The following TMEM273 variants were observed in gnomAD, a reference collection of about 807,000 sequenced individuals.
TMEM273 encodes the protein chromosome 10 open reading frame 128.
In TMEM273, 19 loss-of-function variants were observed where a neutral mutation model predicts 17.9. The ratio of observed to expected loss-of-function variants is 1.06; its 90% confidence interval spans 0.74 to 1.55. The LOEUF is 1.55. Among genes scored for constraint, TMEM273 ranks in the 40% most tolerant of loss-of-function variants. The pLI, the probability that TMEM273 is intolerant of heterozygous loss-of-function variation, is 0.00. For missense variants in TMEM273, 194 were observed against 155.6 expected (o/e 1.25, Z -1.31); for synonymous variants, 66 against 62.0 (o/e 1.07, Z -0.31).
chr10:49,184,140 A>G (rs1847523078), intron 1 of TMEM273, among the ~76,000 whole-genome samples: 1 of 152,258 alleles, frequency 6.6e-6, no homozygotes, highest in African/African-American at 2.4e-5. Context: ...GATGTCCCAT[A>G]CAGAAAACAT....
At chr10:49,183,353 T>TTGTGTGTGTG (rs3079989) in intron 1 of TMEM273, among the ~76,000 whole-genome samples, 28 of 148,844 alleles carry the variant, frequency 1.9e-4, no homozygotes, top group East Asian at 7.9e-4. Flanking sequence ...AGGAAACAAA[T>TTGTGTGTGTG]TGTGTGTGTG....
At chr10:49,172,047 A>G (rs1270027614) in intron 1 of TMEM273, among the ~76,000 whole-genome samples, 1 of 152,220 alleles carries the variant, frequency 6.6e-6, no homozygotes, top group African/African-American at 2.4e-5. Flanking sequence ...GGCTGCCCTA[A>G]GTGTTTGTCA....
chr10:49,179,276 G>T (rs1847191463), intron 1 of TMEM273, among the ~76,000 whole-genome samples: 1 of 152,262 alleles, frequency 6.6e-6, no homozygotes, highest in Non-Finnish European at 1.5e-5. Flanking sequence ...GAAAAGGTCT[G>T]CTGAGTATGT....
rs1712858992 is a variant in TMEM273, at chr10:49,161,612, T to G, written c.359A>C (p.Gln120Pro). 6.2e-7 allele frequency: 1 copy of G among 1,614,100 alleles called. No homozygotes were observed. Among genetic ancestry groups the G allele is most frequent in the Admixed American group, 1.7e-5 (1 of 60,014 alleles). The change falls in exon 6 of 7, where the codon CAA becomes CCA. Residue 120 changes from glutamine (Q) to proline (P), a missense_variant. Physicochemically the swap from Gln to Pro is moderately conservative, Grantham distance 76 (BLOSUM62 -1). Transcript: ENST00000374153. ...IMEGLFKAKP[Q>P]FLQKRCTGD is the part of the protein sequence containing the mutation. ...CTTACAACTCACCTTTTGGAGAAAT[T>G]GTGGTTTCGCCTGCAAAACAAGATA... is the stretch of plus-strand genomic sequence containing the variant.
At chr10:49,185,043 C>A (rs1310882846) in intron 1 of TMEM273, among the ~76,000 whole-genome samples, 1 of 152,080 alleles carries the variant, frequency 6.6e-6, no homozygotes, top group East Asian at 1.9e-4. Context: ...GCACAGCCAA[C>A]CCTGGGGTGC....
intron 6 of TMEM273, among the ~76,000 whole-genome samples, chr10:49,159,832 A>G (rs1034005816): frequency 6.6e-6 from 1 of 152,222 alleles, no homozygotes; most frequent in East Asian, 1.9e-4. Flanking sequence ...TTGTGTTGTC[A>G]GAAGTCTAGC....
intron 1 of TMEM273, among the ~76,000 whole-genome samples, chr10:49,183,479 T>C (rs1443971748): frequency 6.6e-6 from 1 of 152,182 alleles, no homozygotes; most frequent in Non-Finnish European, 1.5e-5. Context: ...ATTTTTATTC[T>C]TATACTTTTC....
chr10:49,168,114 C>A (rs757811198), intron 1 of TMEM273, 152 bp from the exon 2 acceptor site: 4 of 892,244 alleles, frequency 4.5e-6, no homozygotes, highest in Non-Finnish European at 6.9e-6. Context: ...TGGAGCCTTG[C>A]TGAGACATCA....
At chr10:49,183,353 T>TTTTG (rs1554849166) in intron 1 of TMEM273, among the ~76,000 whole-genome samples, 1 of 148,742 alleles carries the variant, frequency 6.7e-6, no homozygotes, top group African/African-American at 2.5e-5. Context: ...AGGAAACAAA[T>TTTTG]TGTGTGTGTG....
At chr10:49,184,181 T>A (rs1273808366) in intron 1 of TMEM273, among the ~76,000 whole-genome samples, 2 of 152,120 alleles carry the variant, frequency 1.3e-5, no homozygotes, top group African/African-American at 2.4e-5. Flanking sequence ...AGGCCGTAAA[T>A]AAAAATAAAT....
At chr10:49,156,305 A>G in intron 6 of TMEM273, 1 of 1,305,434 alleles carries the variant, frequency 7.7e-7, no homozygotes, top group Non-Finnish European at 1.0e-6. Context: ...GAACTGGAAA[A>G]TAATGCCTTC....
At chr10:49,163,683 T>A (rs546118873) in intron 5 of TMEM273, among the ~76,000 whole-genome samples, 1 of 152,052 alleles carries the variant, frequency 6.6e-6, no homozygotes, top group East Asian at 1.9e-4. Flanking sequence ...GGTGGGGGGA[T>A]GACATGGGAG....
chr10:49,162,370 C>G (rs922257048), intron 5 of TMEM273, among the ~76,000 whole-genome samples: 1 of 152,182 alleles, frequency 6.6e-6, no homozygotes, highest in East Asian at 1.9e-4. Context: ...CACACATATG[C>G]GTGCGCACAC....
chr10:49,158,768 C>T (rs1053137509), intron 6 of TMEM273, among the ~76,000 whole-genome samples: 2 of 152,222 alleles, frequency 1.3e-5, no homozygotes, highest in South Asian at 2.1e-4. Flanking sequence ...AAAATAGTAT[C>T]GGAATAATTC....
chr10:49,167,069 C>G, intron 2 of TMEM273, 60 bp from the exon 3 acceptor site: 2 of 1,593,038 alleles, frequency 1.3e-6, no homozygotes, highest in Non-Finnish European at 8.6e-7. Context: ...CCTCTGCATT[C>G]CAGATGAGGT....
chr10:49,159,139 A>T (rs1845690058), intron 6 of TMEM273, among the ~76,000 whole-genome samples: 2 of 152,138 alleles, frequency 1.3e-5, no homozygotes, highest in African/African-American at 2.4e-5. Flanking sequence ...TGAATCGTGT[A>T]CATGACACAC....
intron 1 of TMEM273, among the ~76,000 whole-genome samples, chr10:49,175,412 A>G (rs558985452): frequency 1.8e-4 from 27 of 152,354 alleles, no homozygotes; most frequent in African/African-American, 5.8e-4. Flanking sequence ...ACGGAGGGCC[A>G]TGCAGAGGCC....
intron 1 of TMEM273, among the ~76,000 whole-genome samples, chr10:49,168,183 C>T (rs1392616521): frequency 6.6e-6 from 1 of 152,154 alleles, no homozygotes; most frequent in African/African-American, 2.4e-5. Context: ...TTCAGTCAGC[C>T]GTTCAGCACA....
intron 1 of TMEM273, among the ~76,000 whole-genome samples, chr10:49,186,785 G>A (rs566699044): frequency 6.6e-6 from 1 of 152,272 alleles, no homozygotes; most frequent in East Asian, 1.9e-4. Context: ...AAGCAGAAAC[G>A]AGCTGTGATG....
Sources: allele counts gnomAD v4.1 joint callset (sites outside exome capture counted in the v4.1 genomes callset), GRCh38; gene constraint gnomAD v4.1.1; transcripts MANE v1.5; gene names NCBI Gene and HGNC (gene_info 2026-07-23, HGNC 2026-07-21).